SVEP1: variants seen among roughly 807,000 people sequenced by gnomAD.
SVEP1 encodes sushi, von Willebrand factor type A, EGF and pentraxin domain containing 1, also known as sushi, von Willebrand factor type A, EGF and pentraxin domain-containing protein 1.
SVEP1 carries 164 observed loss-of-function variants against 367.3 expected under a neutral mutation model. That is an observed-to-expected ratio of 0.45 (90% CI 0.39 to 0.51). The LOEUF (loss-of-function observed/expected upper bound fraction) is 0.51, where lower values mean the gene tolerates loss of function less well. Among genes scored for constraint, SVEP1 ranks in the 20% least tolerant of loss-of-function variants. The pLI is 0.00. For missense variants in SVEP1, 4,117 were observed against 4,425.3 expected, an observed-to-expected ratio of 0.93 and a Z score of 1.98; for synonymous variants, 1,666 against 1,611.6, an observed-to-expected ratio of 1.03 and a Z score of -0.81.
intron 44 of SVEP1, 132 bp from the exon 45 acceptor site, chr9:110,377,498 T>G: frequency 1.3e-6 from 1 of 744,440 alleles, no homozygotes; most frequent in South Asian, 2.1e-5. Context: ...AAAAATCGAA[T>G]CTCAGGAGGG....
At chr9:110,559,358 GCTGT>G (rs777189025) in intron 1 of SVEP1, among the ~76,000 whole-genome samples, 62 of 152,030 alleles carry the variant, frequency 4.1e-4, no homozygotes, top group African/African-American at 1.1e-3. Flanking sequence ...AATTTTTATA[GCTGT>G]CTAAGGAGGA....
Position 110,384,818 on chromosome 9 carries a change from C to T in SVEP1, c.10237+1080G>A, listed in dbSNP as rs555771472. ...TCTCATTAAGTGGCGTGCAAGTGTACTGAAGATGAAGACCATTGTAGGCAT... is the reference window on the plus strand; with the variant it reads ...TCTCATTAAGTGGCGTGCAAGTGTATTGAAGATGAAGACCATTGTAGGCAT... On this transcript the variant is annotated intron_variant, in intron 43 of 47. Coordinates refer to ENST00000374469, the MANE Select transcript of SVEP1 (RefSeq NM_153366.4). Among the ~76,000 whole-genome samples the T allele has an allele frequency of 4.1e-4, 62 of 152,280 alleles. 1 individual carries two copies. Among genetic ancestry groups the T allele is most frequent in the South Asian group, 1.5e-3 (7 of 4,824 alleles).
At position 110,559,964 on chromosome 9, in the gene SVEP1, A is replaced by G. The variant is rs532452875; in HGVS notation, c.532-9860T>C. 1.6e-4 allele frequency among the ~76,000 whole-genome samples: 25 copies of G among 152,244 alleles called. No homozygotes were observed. In the South Asian group the frequency reaches 2.1e-3, roughly 13 times the overall value. ...ATGTACATGACATTAGTGTGCATGT[A>G]TGTGGAAATGTACTGTATGTCTGTT... is the stretch of plus-strand genomic sequence containing the variant. On this transcript the variant is annotated intron_variant, in intron 1 of 47. Coordinates refer to ENST00000374469, the MANE Select transcript of SVEP1 (RefSeq NM_153366.4).
chr9:110,409,916 T>C (rs1828020704), intron 37 of SVEP1, among the ~76,000 whole-genome samples: 1 of 144,734 alleles, frequency 6.9e-6, no homozygotes, highest in African/African-American at 2.6e-5. Flanking sequence ...GTAAGCACCA[T>C]GCCATTACAC....
intron 3 of SVEP1, among the ~76,000 whole-genome samples, chr9:110,541,069 A>G (rs896492522): frequency 9.2e-5 from 14 of 152,094 alleles, no homozygotes; most frequent in Admixed American, 3.3e-4. Context: ...GAATACCTTA[A>G]TTCTACTTCA....
chr9:110,393,673 T>C (rs1047269366), intron 40 of SVEP1, among the ~76,000 whole-genome samples: 1 of 150,004 alleles, frequency 6.7e-6, no homozygotes, highest in Non-Finnish European at 1.5e-5. Flanking sequence ...ACTGTGTTTT[T>C]CCAACAGGCT....
Position 110,430,447 on chromosome 9 carries a change from G to T in SVEP1, c.5357C>A (p.Pro1786His). Residue 1786 changes from proline (P) to histidine (H), a missense_variant, in exon 33 of 48, where the codon CCT becomes CAT. Around this residue, in one of 4 missense-constraint regions of SVEP1, gnomAD observed 2,174 missense variants for 2,494.3 expected, o/e 0.87. Coordinates refer to ENST00000374469, the MANE Select transcript of SVEP1 (RefSeq NM_153366.4). The part of the protein sequence containing the change: ...YTGDGKNCAE[P>H]IKCKAPGNPE... Reference sequence around the variant, plus strand: ...ATTTCCTGGAGCCTTACATTTTATAGGTTCTAGAAACAGACAGTTTTGGTG... The same window carrying T: ...ATTTCCTGGAGCCTTACATTTTATATGTTCTAGAAACAGACAGTTTTGGTG... 6.2e-7 allele frequency: 1 copy of T among 1,607,948 alleles called. No individual in the cohort carries two copies. The highest frequency in any genetic ancestry group is 8.5e-7 in the Non-Finnish European group (1 of 1,176,898).
intron 1 of SVEP1, among the ~76,000 whole-genome samples, chr9:110,551,996 A>G (rs1830292577): frequency 6.7e-6 from 1 of 149,326 alleles, no homozygotes; most frequent in African/African-American, 2.5e-5. Flanking sequence ...TCATAATGAC[A>G]GCGGACAATA....
At chr9:110,425,875 T>G (rs1385067048) in intron 36 of SVEP1, among the ~76,000 whole-genome samples, 1 of 152,190 alleles carries the variant, frequency 6.6e-6, no homozygotes, top group Non-Finnish European at 1.5e-5. Flanking sequence ...TATTTGTCTT[T>G]GGGTAATAAA....
chr9:110,412,887 A>G (rs1828064447), intron 36 of SVEP1, among the ~76,000 whole-genome samples: 4 of 151,974 alleles, frequency 2.6e-5, no homozygotes, highest in Non-Finnish European at 1.5e-5. Flanking sequence ...AAAGTCAGGA[A>G]ACAACAGGTG....
chr9:110,525,842 T>C (rs542920672), intron 3 of SVEP1, among the ~76,000 whole-genome samples: 2 of 152,226 alleles, frequency 1.3e-5, no homozygotes, highest in African/African-American at 2.4e-5. Flanking sequence ...GTTTGTTACA[T>C]AGGTATACGT....
chr9:110,398,315 TCCTTACA>T (rs1486627656), intron 40 of SVEP1, among the ~76,000 whole-genome samples: 1 of 152,174 alleles, frequency 6.6e-6, no homozygotes, highest in Non-Finnish European at 1.5e-5. Flanking sequence ...CTGGATCCCT[TCCTTACA>T]CCTTACACAA....
chr9:110,480,561 T>G (rs1216558061), intron 12 of SVEP1, among the ~76,000 whole-genome samples: 1 of 152,212 alleles, frequency 6.6e-6, no homozygotes, highest in Non-Finnish European at 1.5e-5. Context: ...AGACTATGAT[T>G]GATGTATTTT....
intron 27 of SVEP1, among the ~76,000 whole-genome samples, chr9:110,437,354 C>T (rs1262948607): frequency 6.6e-6 from 1 of 152,156 alleles, no homozygotes; most frequent in Non-Finnish European, 1.5e-5. Context: ...CAGGCCCATC[C>T]CTTACAACCA....
At chr9:110,369,292 G>A (rs184805426) in intron 47 of SVEP1, among the ~76,000 whole-genome samples, 3 of 152,174 alleles carry the variant, frequency 2.0e-5, no homozygotes, top group Admixed American at 6.5e-5. Context: ...TTTAAACTGT[G>A]ATATTTATCT....
intron 36 of SVEP1, among the ~76,000 whole-genome samples, chr9:110,424,357 A>AAG (rs1554713905): frequency 7.9e-5 from 12 of 151,976 alleles, no homozygotes; most frequent in African/African-American, 2.9e-4. Flanking sequence ...ATGTAAAAAA[A>AAG]ATAAGGTTAA....
chr9:110,451,379 T>C lies in SVEP1; in HGVS notation c.3811A>G (p.Asn1271Asp), dbSNP rs757281141. Residue 1271 changes from asparagine (N) to aspartate (D), a missense_variant, in exon 23 of 48, where the codon AAT (asparagine) becomes GAT (aspartate). Transcript: ENST00000374469. The stretch of plus-strand genomic sequence containing the variant: ...AAACAAGGACTGGAGCTACACTCAT[T>C]TATATTTTCTTCACACCGCTGACCT... Reference protein sequence around the residue: ...YTGQRCEENINECSSSPCLNK... With the variant: ...YTGQRCEENIDECSSSPCLNK... 3 of 1,613,384 alleles carry C rather than the reference T, an allele frequency of 1.9e-6. No homozygotes were observed. Among genetic ancestry groups the C allele is most frequent in the African/African-American group, 2.7e-5 (2 of 74,904 alleles).
rs371503934 is a variant in SVEP1, at chr9:110,458,499, A to G, written c.3548T>C (p.Ile1183Thr). 5.0e-6 allele frequency: 8 copies of G among 1,612,866 alleles called. No homozygotes were observed. Among genetic ancestry groups the G allele is most frequent in the African/African-American group, 2.7e-5 (2 of 74,916 alleles). Residue 1183 changes from isoleucine to threonine, a missense_variant, in exon 20 of 48, where the codon ATT (isoleucine) becomes ACT (threonine). Transcript: ENST00000374469. ...ACTGCTGATTTCATGCCTCTTTTTA[A>G]TATGTCCAAGAGAGGCAGGGGGCAC... ...SVVPPASLGH[I>T]KKRHEISSQV...
At chr9:110,525,090 T>A (rs533851686) in intron 3 of SVEP1, among the ~76,000 whole-genome samples, 24 of 152,284 alleles carry the variant, frequency 1.6e-4, no homozygotes, top group South Asian at 1.0e-3. Context: ...GTAGTGGAAC[T>A]TCTAACCAGA....
Sources: gnomAD v4.1 joint callset for allele counts (sites outside exome capture counted in the v4.1 genomes callset) on GRCh38, gnomAD v4.1.1 for gene constraint, gnomAD v4.1.1 regional missense constraint, MANE v1.5 for transcripts, NCBI Gene and HGNC (gene_info 2026-07-23, HGNC 2026-07-21) for gene names.